CLSTN2: variants seen among roughly 807,000 people sequenced by gnomAD.
CLSTN2 encodes the protein calsyntenin 2, also known as calsyntenin-2.
In CLSTN2, 48 loss-of-function variants were observed where a neutral mutation model predicts 101.2. That is an observed-to-expected ratio of 0.47 (90% CI 0.38 to 0.60). The LOEUF (loss-of-function observed/expected upper bound fraction) is 0.60. Ranked by LOEUF, CLSTN2 falls within the 20% of genes least tolerant of loss-of-function variation. CLSTN2 has a pLI of 0.00. For synonymous variants in CLSTN2, 481 were observed against 463.6 expected (o/e 1.04, Z -0.48); for missense variants, 1,160 against 1,238.2 (o/e 0.94, Z 0.95).
chr3:140,481,132 A>G lies in CLSTN2; in HGVS notation c.1344+14401A>G, dbSNP rs539401969. Among the ~76,000 whole-genome samples the G allele has an allele frequency of 7.9e-5, 12 of 152,310 alleles. No individual in the cohort carries two copies. In the South Asian group the frequency reaches 2.5e-3, roughly 32 times the overall value. The stretch of plus-strand genomic sequence containing the variant: ...TTGAATTAATTTTTGTATAAGGTGT[A>G]AGGAAGGGATCCAGTTTCAGCTTTC... On this transcript the variant is annotated intron_variant, in intron 8 of 16. Coordinates refer to ENST00000458420, the MANE Select transcript of CLSTN2 (RefSeq NM_022131.3).
In CLSTN2 at chr3:140,574,642, A is replaced by T. The variant is rs1985674692; in HGVS notation, c.*8389A>T. On this transcript the variant is annotated 3_prime_UTR_variant, in exon 17 of 17. Coordinates refer to ENST00000458420, the MANE Select transcript of CLSTN2 (RefSeq NM_022131.3). ...CAGACAACAGAAACGTGTTAGCTTT[A>T]ATGTCTGTTTGCTTTTATCTTGAAA... 1 of 152,334 alleles carries T rather than the reference A, an allele frequency of 6.6e-6. No individual in the cohort carries two copies. Among genetic ancestry groups the T allele is most frequent in the East Asian group, 1.9e-4 (1 of 5,190 alleles). The allele number at this position is 152,334 out of a possible 1,614,324, so 9.4% of individuals were successfully genotyped here.
In CLSTN2 at chr3:139,938,729, A is replaced by C. The variant is rs187297442; in HGVS notation, c.109+3246A>C. Among the ~76,000 whole-genome samples, 249 of 152,314 alleles carry C rather than the reference A, an allele frequency of 1.6e-3. 1 individual carries two copies. Among genetic ancestry groups the C allele is most frequent in the Non-Finnish European group, 3.1e-3 (212 of 68,028 alleles). On this transcript the variant is annotated intron_variant, in intron 1 of 16. Transcript: ENST00000458420. ...CCTCAAAGTTTGTGCTAAATTTGGC[A>C]AAATGTCAGTGGTCCCAAGACCTCA...
intron 1 of CLSTN2, among the ~76,000 whole-genome samples, chr3:139,981,568 C>A (rs1306962096): frequency 1.3e-5 from 2 of 152,206 alleles, no homozygotes; most frequent in Non-Finnish European, 2.9e-5. Flanking sequence ...GTTCAATTTT[C>A]TGGCTCTATC....
intron 2 of CLSTN2, among the ~76,000 whole-genome samples, chr3:140,397,677 C>G (rs1465377794): frequency 2.0e-5 from 3 of 152,176 alleles, no homozygotes; most frequent in Non-Finnish European, 2.9e-5. Context: ...GAGCACAAAT[C>G]ATGACCTAAT....
intron 1 of CLSTN2, among the ~76,000 whole-genome samples, chr3:140,131,052 C>T (rs1200675311): frequency 6.6e-6 from 1 of 152,010 alleles, no homozygotes; most frequent in African/African-American, 2.4e-5. Flanking sequence ...GAAGATGATC[C>T]TTCAATGGCC....
At chr3:140,135,156 ATATAT>A (rs1560105635) in intron 1 of CLSTN2, among the ~76,000 whole-genome samples, 7 of 134,972 alleles carry the variant, frequency 5.2e-5, no homozygotes, top group Non-Finnish European at 6.3e-5. Flanking sequence ...ATATATATAT[ATATAT>A]AAAATATGCT....
intron 1 of CLSTN2, among the ~76,000 whole-genome samples, chr3:139,979,619 G>A (rs1935882324): frequency 1.3e-5 from 2 of 152,168 alleles, no homozygotes; most frequent in African/African-American, 4.8e-5. Flanking sequence ...TGTCTCAGTG[G>A]CCTCATCTCT....
intron 8 of CLSTN2, among the ~76,000 whole-genome samples, chr3:140,524,204 A>G (rs146683390): frequency 1.1e-3 from 162 of 152,338 alleles, no homozygotes; most frequent in African/African-American, 3.8e-3. Context: ...GTAGCATGGG[A>G]AACACTGAAC....
intron 1 of CLSTN2, among the ~76,000 whole-genome samples, chr3:140,135,089 C>A (rs1440378868): frequency 9.4e-4 from 34 of 36,276 alleles, no homozygotes; most frequent in Non-Finnish European, 1.6e-3. Context: ...CTCAAAAAAA[C>A]ACACACACAC....
At chr3:140,356,331 A>G (rs1158486833) in intron 2 of CLSTN2, among the ~76,000 whole-genome samples, 1 of 152,236 alleles carries the variant, frequency 6.6e-6, no homozygotes, top group Admixed American at 6.5e-5. Flanking sequence ...TTCACAAAGC[A>G]GTCTGCATTT....
intron 5 of CLSTN2, among the ~76,000 whole-genome samples, chr3:140,432,117 C>G (rs554568769): frequency 6.6e-6 from 1 of 152,198 alleles, no homozygotes; most frequent in East Asian, 1.9e-4. Context: ...CAAAGGGAGA[C>G]AGTGGGGTGC....
chr3:140,129,915 A>G (rs533012595), intron 1 of CLSTN2, among the ~76,000 whole-genome samples: 2 of 152,290 alleles, frequency 1.3e-5, no homozygotes, highest in African/African-American at 4.8e-5. Context: ...TCTCATGTAA[A>G]TGCAACTGGA....
At chr3:140,225,629 C>T (rs1162504130) in intron 2 of CLSTN2, among the ~76,000 whole-genome samples, 1 of 152,154 alleles carries the variant, frequency 6.6e-6, no homozygotes, top group Non-Finnish European at 1.5e-5. Flanking sequence ...TCCAGAGTAG[C>T]TGGGACTACA....
intron 5 of CLSTN2, among the ~76,000 whole-genome samples, chr3:140,433,956 G>A (rs971720959): frequency 2.0e-5 from 3 of 152,138 alleles, no homozygotes; most frequent in African/African-American, 7.2e-5. Context: ...TGCTGTGCAG[G>A]TTGATAACAT....
intron 2 of CLSTN2, among the ~76,000 whole-genome samples, chr3:140,360,616 T>C (rs1223514493): frequency 1.3e-5 from 2 of 152,082 alleles, no homozygotes; most frequent in African/African-American, 4.8e-5. Flanking sequence ...GCAAATCCTC[T>C]CCCTAAAGAA....
At chr3:140,362,628 C>G (rs1474987733) in intron 2 of CLSTN2, among the ~76,000 whole-genome samples, 1 of 151,084 alleles carries the variant, frequency 6.6e-6, no homozygotes, top group Admixed American at 6.6e-5. Context: ...AAGAGAAAAT[C>G]AACCCAATTT....
intron 1 of CLSTN2, among the ~76,000 whole-genome samples, chr3:139,967,567 C>T (rs543357810): frequency 2.5e-4 from 38 of 152,290 alleles, no homozygotes; most frequent in South Asian, 6.2e-4. Flanking sequence ...TATCAGGAAA[C>T]GTCACATACA....
At chr3:139,959,062 C>G (rs1296712011) in intron 1 of CLSTN2, among the ~76,000 whole-genome samples, 1 of 151,882 alleles carries the variant, frequency 6.6e-6, no homozygotes, top group East Asian at 1.9e-4. Context: ...CCAAAGTATT[C>G]CCCTGTGTCT....
chr3:140,316,763 G>C (rs1213186596), intron 2 of CLSTN2, among the ~76,000 whole-genome samples: 1 of 152,172 alleles, frequency 6.6e-6, no homozygotes, highest in Non-Finnish European at 1.5e-5. Flanking sequence ...AATTGCCTTG[G>C]AGGCAAGTGA....
Sources: gnomAD v4.1 joint callset for allele counts (sites outside exome capture counted in the v4.1 genomes callset) on GRCh38, gnomAD v4.1.1 for gene constraint, MANE v1.5 for transcripts, NCBI Gene and HGNC (gene_info 2026-07-23, HGNC 2026-07-21) for gene names.